Variants in SOX5 observed in about 807,000 individuals in gnomAD.
SOX5 encodes the protein transcription factor SOX-5.
In SOX5, 9 loss-of-function variants were observed where a neutral mutation model predicts 92.0. That is an observed-to-expected ratio of 0.10 (90% CI 0.06 to 0.17). The LOEUF is 0.17. Ranked by LOEUF, SOX5 falls within the 10% of genes least tolerant of loss-of-function variation. The probability of loss-of-function intolerance (pLI) is 1.00; values close to 1 mark genes in which losing one functional copy is unlikely to be tolerated. For synonymous variants in SOX5, 344 were observed against 336.3 expected (o/e 1.02, Z -0.25); for missense variants, 642 against 944.5 (o/e 0.68, Z 4.20).
chr12:23,735,959 T>A (rs1184409331), intron 5 of SOX5, among the ~76,000 whole-genome samples: 2 of 152,202 alleles, frequency 1.3e-5, no homozygotes, highest in Non-Finnish European at 2.9e-5. Context: ...TATATTTTAC[T>A]CACTGTTCTC....
chr12:24,270,152 C>T (rs1206278643), intron 3 of SOX5, among the ~76,000 whole-genome samples: 1 of 152,060 alleles, frequency 6.6e-6, no homozygotes, highest in Non-Finnish European at 1.5e-5. Context: ...ACCTCCACCT[C>T]CCGGGTTCAA....
intron 2 of SOX5, among the ~76,000 whole-genome samples, chr12:24,341,492 C>T (rs1253635168): frequency 6.6e-6 from 1 of 152,160 alleles, no homozygotes; most frequent in Non-Finnish European, 1.5e-5. Flanking sequence ...AATAATAAAT[C>T]AAATGTCATG....
chr12:24,475,421 C>T (rs1945256806), intron 1 of SOX5, among the ~76,000 whole-genome samples: 1 of 152,190 alleles, frequency 6.6e-6, no homozygotes, highest in African/African-American at 2.4e-5. Context: ...CAGCACCTAG[C>T]ACAGTATCTT....
At chr12:23,759,315 A>G (rs2094501848) in intron 3 of SOX5, among the ~76,000 whole-genome samples, 1 of 152,066 alleles carries the variant, frequency 6.6e-6, no homozygotes, top group Non-Finnish European at 1.5e-5. Context: ...GCAGAGATAT[A>G]CAATGAAATT....
intron 7 of SOX5, among the ~76,000 whole-genome samples, chr12:23,647,127 G>T (rs529890466): frequency 2.0e-5 from 3 of 152,162 alleles, no homozygotes; most frequent in African/African-American, 7.2e-5. Context: ...TCCTTGACTC[G>T]TTGGCTGTAG....
intron 4 of SOX5, among the ~76,000 whole-genome samples, chr12:23,989,389 TATCA>T (rs3031090): frequency 3.3e-5 from 5 of 151,084 alleles, no homozygotes; most frequent in Admixed American, 6.6e-5. Context: ...TGAGACCTCA[TATCA>T]ATCAATCAAT....
chr12:23,621,226 C>A (rs906026701), intron 8 of SOX5, among the ~76,000 whole-genome samples: 1 of 151,754 alleles, frequency 6.6e-6, no homozygotes, highest in Non-Finnish European at 1.5e-5. Flanking sequence ...CACAAAAGGA[C>A]AAGGTACTTA....
At chr12:23,933,670 A>G (rs1941929955) in intron 1 of SOX5, among the ~76,000 whole-genome samples, 1 of 151,594 alleles carries the variant, frequency 6.6e-6, no homozygotes, top group Non-Finnish European at 1.5e-5. Flanking sequence ...GCTTCAAATG[A>G]AGACAACTTG....
chr12:23,712,056 A>T (rs937369770), intron 6 of SOX5, among the ~76,000 whole-genome samples: 5 of 152,196 alleles, frequency 3.3e-5, no homozygotes, highest in African/African-American at 9.7e-5. Flanking sequence ...GCAGCCATTT[A>T]AACTTTGTTT....
At chr12:24,392,713 CTTTTG>C (rs1376150470) in intron 1 of SOX5, among the ~76,000 whole-genome samples, 1 of 152,170 alleles carries the variant, frequency 6.6e-6, no homozygotes, top group South Asian at 2.1e-4. Flanking sequence ...AGAGCAGGGA[CTTTTG>C]TTTTGTTCAT....
chr12:23,949,096 T>C (rs1945112264), intron 1 of SOX5, among the ~76,000 whole-genome samples: 1 of 152,160 alleles, frequency 6.6e-6, no homozygotes, highest in East Asian at 1.9e-4. Flanking sequence ...TCCAAAGTTT[T>C]ACGGAAGGAT....
At chr12:23,566,920 T>A (rs1947210943) in intron 10 of SOX5, among the ~76,000 whole-genome samples, 5 of 152,326 alleles carry the variant, frequency 3.3e-5, no homozygotes, top group African/African-American at 1.2e-4. Context: ...AAGTTTTCAC[T>A]TCCCTTAACT....
intron 2 of SOX5, among the ~76,000 whole-genome samples, chr12:23,859,516 C>T (rs893086703): frequency 2.6e-5 from 4 of 152,126 alleles, no homozygotes; most frequent in Admixed American, 6.6e-5. Flanking sequence ...ATCAGGACAA[C>T]GTGTGCCCAG....
At chr12:23,762,889 A>G (rs1414749194) in intron 3 of SOX5, among the ~76,000 whole-genome samples, 1 of 152,184 alleles carries the variant, frequency 6.6e-6, no homozygotes, top group East Asian at 1.9e-4. Context: ...AATCTCCACT[A>G]AAAGATAGGC....
intron 2 of SOX5, among the ~76,000 whole-genome samples, chr12:24,309,552 G>T (rs1360766321): frequency 1.3e-5 from 2 of 151,826 alleles, no homozygotes; most frequent in African/African-American, 2.4e-5. Context: ...TCAACATTTA[G>T]ACAAAATGTT....
chr12:23,755,544 G>C, intron 4 of SOX5, 94 bp downstream of exon 4: 1 of 838,420 alleles, frequency 1.2e-6, no homozygotes, highest in Non-Finnish European at 1.9e-6. Context: ...AGAAGCAGAA[G>C]AGGTGAGGGC....
chr12:23,959,581 C>T (rs1946663648), intron 4 of SOX5, among the ~76,000 whole-genome samples: 1 of 151,930 alleles, frequency 6.6e-6, no homozygotes, highest in South Asian at 2.1e-4. Context: ...ACACCAAAAA[C>T]TTGAAAGTGA....
At chr12:24,103,940 G>A (rs147216166) in intron 4 of SOX5, among the ~76,000 whole-genome samples, 1 of 152,264 alleles carries the variant, frequency 6.6e-6, no homozygotes, top group Non-Finnish European at 1.5e-5. Flanking sequence ...AAATTGCTAA[G>A]GGAAGTCTTA....
At chr12:23,904,523 A>G (rs1223135831) in intron 1 of SOX5, among the ~76,000 whole-genome samples, 2 of 152,228 alleles carry the variant, frequency 1.3e-5, no homozygotes, top group Non-Finnish European at 2.9e-5. Context: ...AACAAAATTT[A>G]CCATAACATG....
Sources: allele counts gnomAD v4.1 joint callset (sites outside exome capture counted in the v4.1 genomes callset), GRCh38; gene constraint gnomAD v4.1.1; transcripts MANE v1.5; gene names NCBI Gene and HGNC (gene_info 2026-07-23, HGNC 2026-07-21).